Variants in CACNA1C observed in about 807,000 individuals in gnomAD.
CACNA1C encodes the protein voltage-dependent L-type calcium channel subunit alpha-1C.
A neutral mutation model predicts 229.0 loss-of-function variants in CACNA1C; 30 were observed. That is an observed-to-expected ratio of 0.13 (90% CI 0.10 to 0.18). CACNA1C has a LOEUF of 0.18. Among genes scored for constraint, CACNA1C ranks in the 10% least tolerant of loss-of-function variants. CACNA1C has a pLI of 1.00. For synonymous variants in CACNA1C, 1,114 were observed against 1,132.5 expected (o/e 0.98, Z 0.33); for missense variants, 1,658 against 2,845.0 (o/e 0.58, Z 9.49).
chr12:2,059,210 C>T (rs1410435280), intron 1 of CACNA1C, among the ~76,000 whole-genome samples: 1 of 152,018 alleles, frequency 6.6e-6, no homozygotes. Context: ...ATGGCTGGAG[C>T]CTCCGAGAGC....
chr12:2,549,331 G>A (rs1392837364), intron 9 of CACNA1C, among the ~76,000 whole-genome samples: 1 of 152,094 alleles, frequency 6.6e-6, no homozygotes, highest in Non-Finnish European at 1.5e-5. Flanking sequence ...ATGTCTGCAG[G>A]GCTAGCTTGA....
intron 28 of CACNA1C, 36 bp from the exon 29 acceptor site, chr12:2,611,867 C>A: frequency 7.4e-7 from 1 of 1,346,068 alleles, no homozygotes; most frequent in South Asian, 1.2e-5. Context: ...GACCTCCCTG[C>A]CCCGTGTTCA....
intron 1 of CACNA1C, among the ~76,000 whole-genome samples, chr12:2,078,403 A>G (rs886565542): frequency 6.6e-6 from 1 of 152,206 alleles, no homozygotes; most frequent in Non-Finnish European, 1.5e-5. Context: ...TCAGCCTGAA[A>G]AAAAGAAAGA....
chr12:2,162,361 G>C (rs1029882742), intron 3 of CACNA1C, among the ~76,000 whole-genome samples: 2 of 151,932 alleles, frequency 1.3e-5, no homozygotes, highest in African/African-American at 4.8e-5. Context: ...CTGATTTTGT[G>C]TCTAGGGAAA....
At chr12:2,578,269 A>G (rs912829622) in intron 13 of CACNA1C, among the ~76,000 whole-genome samples, 1 of 152,188 alleles carries the variant, frequency 6.6e-6, no homozygotes, top group Non-Finnish European at 1.5e-5. Flanking sequence ...ACGTCTGCCA[A>G]AGAACCTGCG....
intron 3 of CACNA1C, among the ~76,000 whole-genome samples, chr12:2,206,835 T>C (rs1167834577): frequency 2.0e-5 from 3 of 152,256 alleles, no homozygotes; most frequent in African/African-American, 7.2e-5. Context: ...ATCTCCCACA[T>C]GAATGTGTTC....
At position 2,654,367 on chromosome 12, in the gene CACNA1C, G is replaced by A. The variant is rs538579761; in HGVS notation, c.4140+467G>A. The stretch of plus-strand genomic sequence containing the variant: ...AGGGAGGGAAGAAGGAAGCAAGGAA[G>A]GGCCAAATCAACACAAGGTTCACCG... On this transcript the variant is annotated intron_variant, in intron 33 of 46. Transcript: ENST00000399655. This position sits in a 1 kb window ranked among gnomAD's most constrained non-coding sequence, Gnocchi z 4.4. Among the ~76,000 whole-genome samples the A allele has an allele frequency of 6.6e-6, 1 of 152,130 alleles. No homozygotes were observed. The highest frequency in any genetic ancestry group is 1.5e-5 in the Non-Finnish European group (1 of 68,028).
chr12:2,351,846 A>ACC (rs1384070597), intron 3 of CACNA1C, among the ~76,000 whole-genome samples: 1 of 151,962 alleles, frequency 6.6e-6, no homozygotes, highest in Non-Finnish European at 1.5e-5. Flanking sequence ...CCTCTTCTGC[A>ACC]CACCGTGGGT....
chr12:2,204,684 A>G lies in CACNA1C; in HGVS notation c.477+84254A>G, dbSNP rs565183650. 1.3e-4 allele frequency among the ~76,000 whole-genome samples: 20 copies of G among 150,208 alleles called. 1 individual carries two copies. The South Asian group carries it at 3.7e-3, about 28-fold the overall frequency. Reference sequence around the variant, plus strand: ...TGGAAATCATCATTCTCAGTAAACTATCACAAGAACAAAAAACTAAACACT... The same window carrying G: ...TGGAAATCATCATTCTCAGTAAACTGTCACAAGAACAAAAAACTAAACACT... On this transcript the variant is annotated intron_variant, in intron 3 of 46. Coordinates refer to ENST00000399655, the MANE Select transcript of CACNA1C (RefSeq NM_000719.7).
rs146273267 is a variant in CACNA1C, at chr12:2,460,964, C to T, written c.757+3258C>T. On this transcript the variant is annotated intron_variant, in intron 5 of 46. Coordinates refer to ENST00000399655, the MANE Select transcript of CACNA1C (RefSeq NM_000719.7). ...ACTGTACCAGTGTGGTTGGTGTCAT[C>T]TACAAAGATGTCAGCAGTATCTCCC... is the stretch of plus-strand genomic sequence containing the variant. Among the ~76,000 whole-genome samples the T allele has an allele frequency of 3.3e-5, 5 of 152,320 alleles. No individual in the cohort carries two copies. The East Asian group carries it at 9.6e-4, about 29-fold the overall frequency.
rs2099754952 is a variant in CACNA1C, at chr12:2,499,804, ATTTTTTTTTTTAAAT to A, written c.1114-5037_1114-5023del. Among the ~76,000 whole-genome samples, 13 of 147,984 alleles carry A rather than the reference ATTTTTTTTTTTAAAT, an allele frequency of 8.8e-5. No homozygotes were observed. In the South Asian group the frequency reaches 2.8e-3, roughly 32 times the overall value. On this transcript the variant is annotated intron_variant, in intron 7 of 46. Coordinates refer to ENST00000399655, the MANE Select transcript of CACNA1C (RefSeq NM_000719.7). Reference sequence around the variant, plus strand: ...AATAAGGGTGTCAGCAATCTGGGTCATTTTTTTTTTTAAATCTGACTTTATTCTTTGTCTTCTTAA... The same window carrying A: ...AATAAGGGTGTCAGCAATCTGGGTCACTGACTTTATTCTTTGTCTTCTTAA...
chr12:2,115,316 G>A lies in CACNA1C; in HGVS notation c.142G>A (p.Ala48Thr). The A allele has an allele frequency of 6.3e-7, 1 of 1,595,350 alleles. No homozygotes were observed. The highest frequency in any genetic ancestry group is 1.1e-5 in the South Asian group (1 of 88,782). The part of the protein sequence containing the change: ...LAPEHIPTPG[A>T]ALSWQAAIDA... ...CCCTGAGCACATCCCCACCCCGGGGGCTGCCCTGTCGTGGCAGGCGGCCAT... is the reference window on the plus strand; with the variant it reads ...CCCTGAGCACATCCCCACCCCGGGGACTGCCCTGTCGTGGCAGGCGGCCAT... The change falls in exon 2 of 47, where the codon GCT becomes ACT. Residue 48 changes from alanine (A) to threonine (T), a missense_variant. Ala to Thr is a moderately conservative substitution (Grantham distance 58). Coordinates refer to ENST00000399655, the MANE Select transcript of CACNA1C (RefSeq NM_000719.7).
chr12:2,656,371 G>A (rs1233133981), intron 34 of CACNA1C, among the ~76,000 whole-genome samples: 2 of 151,918 alleles, frequency 1.3e-5, no homozygotes, highest in South Asian at 2.1e-4. Flanking sequence ...AAAATACTTA[G>A]GAATAAATTT....
rs777214799 is a variant in CACNA1C, at chr12:2,597,864, G to T, written c.2853+575G>T. 9.9e-5 allele frequency among the ~76,000 whole-genome samples: 15 copies of T among 152,206 alleles called. No homozygotes were observed. Among genetic ancestry groups the T allele is most frequent in the Non-Finnish European group, 1.6e-4 (11 of 68,034 alleles). ...CCGGTTAACTGATACCTGAGCCCACGTAGGACTCTCCTTCCCTCCTCCTGC... is the reference window on the plus strand; with the variant it reads ...CCGGTTAACTGATACCTGAGCCCACTTAGGACTCTCCTTCCCTCCTCCTGC... On this transcript the variant is annotated intron_variant, in intron 21 of 46. Transcript: ENST00000399655. The surrounding 1 kb of genome is among the most constrained non-coding windows in gnomAD (Gnocchi z 4.3).
intron 2 of CACNA1C, among the ~76,000 whole-genome samples, chr12:2,117,113 A>G (rs139842968): frequency 2.8e-4 from 43 of 152,262 alleles, no homozygotes; most frequent in African/African-American, 9.6e-4. Context: ...TCTGCTAATA[A>G]TACAAAAATT....
intron 1 of CACNA1C, among the ~76,000 whole-genome samples, chr12:2,003,717 C>A (rs1420025451): frequency 6.6e-6 from 1 of 152,200 alleles, no homozygotes; most frequent in African/African-American, 2.4e-5. Context: ...CAGCTTCCTT[C>A]TAAGTGTTAG....
At chr12:2,438,614 G>A (rs1342456237) in intron 3 of CACNA1C, among the ~76,000 whole-genome samples, 1 of 152,020 alleles carries the variant, frequency 6.6e-6, no homozygotes, top group Non-Finnish European at 1.5e-5. Flanking sequence ...TGGTGTGGCT[G>A]GAGCACAGAA....
At chr12:2,052,338 C>T (rs955348952), upstream of CACNA1C, among the ~76,000 whole-genome samples, 3 of 152,238 alleles carry the variant, frequency 2.0e-5, no homozygotes, top group Admixed American at 6.5e-5. Context: ...CTATCTGTCA[C>T]TTCTACAACC....
intron 3 of CACNA1C, among the ~76,000 whole-genome samples, chr12:2,296,783 G>T (rs1422711294): frequency 2.6e-5 from 4 of 152,230 alleles, no homozygotes; most frequent in Non-Finnish European, 5.9e-5. Context: ...ATAGCCATCT[G>T]CATGGGGTGG....
Sources: gnomAD v4.1 joint callset for allele counts (sites outside exome capture counted in the v4.1 genomes callset) on GRCh38, gnomAD v4.1.1 for gene constraint, Gnocchi (gnomAD v3.1) non-coding constraint, MANE v1.5 for transcripts, NCBI Gene and HGNC (gene_info 2026-07-23, HGNC 2026-07-21) for gene names.